Variants in SETD1B observed in about 807,000 individuals in gnomAD.
SETD1B encodes histone-lysine N-methyltransferase SETD1B.
SETD1B carries 7 observed loss-of-function variants against 148.0 expected under a neutral mutation model. The observed-to-expected ratio is 0.05, with a 90% CI of 0.03 to 0.09. SETD1B has a LOEUF of 0.09. SETD1B is among the 10% of genes least tolerant of loss of function. The pLI is 1.00. For synonymous variants in SETD1B, 1,361 were observed against 1,186.5 expected, an observed-to-expected ratio of 1.15 and a Z score of -3.02; for missense variants, 2,155 against 2,729.9, an observed-to-expected ratio of 0.79 and a Z score of 4.69.
At position 121,808,552 on chromosome 12, in the gene SETD1B, TTC is replaced by T. The variant is rs1299164382; in HGVS notation, c.657+234_657+235del. On this transcript the variant is annotated intron_variant, in intron 5 of 16. Coordinates refer to ENST00000604567, the MANE Select transcript of SETD1B (RefSeq NM_001353345.2). This position sits in a 1 kb window ranked among gnomAD's most constrained non-coding sequence, Gnocchi z 5.3. The stretch of plus-strand genomic sequence containing the variant: ...CTGCAGTAGGGCTCCATGGGATTGG[TTC>T]TGTTTCCTGTGGCTTCTCCCCTCCC... Among the ~76,000 whole-genome samples, 2 of 152,220 alleles carry T rather than the reference TTC, an allele frequency of 1.3e-5. No homozygotes were observed. The highest frequency in any genetic ancestry group is 6.5e-5 in the Admixed American group (1 of 15,292).
rs1018695739 is a variant in SETD1B, at chr12:121,822,551, A to T, written c.3972A>T (p.Pro1324=). 6.4e-7 allele frequency: 1 copy of T among 1,550,750 alleles called. No homozygotes were observed. Among genetic ancestry groups the T allele is most frequent in the South Asian group, 1.2e-5 (1 of 83,960 alleles). ...PMMLPLPLQP[P]LPPPRPPRPP... ...TGCTCCCCTTGCCGCTGCAACCACCATTGCCGCCCCCACGACCACCCCGGC... is the reference window on the plus strand; with the variant it reads ...TGCTCCCCTTGCCGCTGCAACCACCTTTGCCGCCCCCACGACCACCCCGGC... Residue 1324 remains proline (P), a synonymous_variant, in exon 12 of 17, where the codon CCA becomes CCT. Transcript: ENST00000604567.
rs1453504391 is a variant in SETD1B at position 121,817,713 on chromosome 12, C to T, written c.3312+9C>T. Reference sequence around the variant, plus strand: ...CATCCACATCAGATAAGGTGCCTAGCAGGCCAGGAAGCCTCAGGGGGCCGG... The same window carrying T: ...CATCCACATCAGATAAGGTGCCTAGTAGGCCAGGAAGCCTCAGGGGGCCGG... On this transcript the variant is annotated intron_variant, in intron 9 of 16. Coordinates refer to ENST00000604567, the MANE Select transcript of SETD1B (RefSeq NM_001353345.2). This position sits in a 1 kb window ranked among gnomAD's most constrained non-coding sequence, Gnocchi z 8.1. 1.3e-5 allele frequency: 20 copies of T among 1,541,526 alleles called. No homozygotes were observed. Among genetic ancestry groups the T allele is most frequent in the Non-Finnish European group, 1.6e-5 (18 of 1,139,684 alleles).
chr12:121,791,927 C>A, the SETD1B span, among the ~76,000 whole-genome samples: 2 of 152,232 alleles, frequency 1.3e-5, no homozygotes, highest in Non-Finnish European at 2.9e-5. Flanking sequence ...GTGTCCCAGA[C>A]CATGACTTTT....
At chr12:121,819,297 C>T (rs546957318) in intron 10 of SETD1B, 107 bp from the exon 11 acceptor site, 88 of 1,508,944 alleles carry the variant, frequency 5.8e-5, no homozygotes, top group South Asian at 3.0e-4. Context: ...ATCTGAGGGC[C>T]GTGTTCAGCC....
chr12:121,799,864 CAG>C (rs796306029), upstream of SETD1B: 9 of 152,238 alleles, frequency 5.9e-5, no homozygotes, highest in African/African-American at 1.9e-4. Context: ...GGAGGACTGT[CAG>C]AGTCAAACTA....
rs370985579 is a variant in SETD1B at position 121,806,128 on chromosome 12, G to A, written c.544+23G>A. 93 of 1,546,540 alleles carry A rather than the reference G, an allele frequency of 6.0e-5. No homozygotes were observed. The African/African-American group carries it at 1.1e-3, about 18-fold the overall frequency. The stretch of plus-strand genomic sequence containing the variant: ...AAGGTGAGCCTGGCAGGGGAGGAGC[G>A]TGGGGAGACCTGTCAGCCCGACCCT... On this transcript the variant is annotated intron_variant, in intron 4 of 16. Coordinates refer to ENST00000604567, the MANE Select transcript of SETD1B (RefSeq NM_001353345.2).
chr12:121,799,453 C>G (rs768237451), upstream of SETD1B: 5 of 152,270 alleles, frequency 3.3e-5, no homozygotes, highest in Non-Finnish European at 7.3e-5. Context: ...ACTGTCACCC[C>G]ACATGCCCCA....
rs188280904 is a variant in SETD1B, at chr12:121,819,572, T to A, written c.3587T>A (p.Val1196Glu). 1.6e-3 allele frequency: 2,423 copies of A among 1,552,484 alleles called. 7 individuals are homozygous for A. The highest frequency in any genetic ancestry group is 2.7e-3 in the Admixed American group (136 of 51,020). Reference protein sequence around the residue: ...EEEEEEEEEMVAEESMASAGP... With the variant: ...EEEEEEEEEMEAEESMASAGP... ...GAAGAAGAGGAGGAGGAGGAGATGG[T>A]GGCCGAGGAAAGCATGGCTTCTGCA... Residue 1196 changes from valine to glutamate, a missense_variant, in exon 11 of 17, where the codon GTG becomes GAG. Physicochemically the swap from Val to Glu is moderately radical, Grantham distance 121. Transcript: ENST00000604567.
Position 121,817,407 on chromosome 12 carries a change from C to T in SETD1B, c.3015C>T (p.Thr1005=). ...AGCGAGACCGGGATATGGCAGACAC[C>T]CCCTGTGAGCTCGCCAAGCGGGACC... ...ERERDRDMAD[T]PCELAKRDPK... is the part of the protein sequence containing the mutation. The change falls in exon 9 of 17, where the codon ACC becomes ACT. Residue 1005 remains threonine, a synonymous_variant. Transcript: ENST00000604567. This position sits in a 1 kb window ranked among gnomAD's most constrained non-coding sequence, Gnocchi z 8.1. 2 of 1,533,906 alleles carry T rather than the reference C, an allele frequency of 1.3e-6. No homozygotes were observed. The highest frequency in any genetic ancestry group is 2.0e-5 in the Admixed American group (1 of 50,256).
At chr12:121,815,029 C>G (rs1185374997) in intron 7 of SETD1B, 99 bp downstream of exon 7, 281 of 1,126,286 alleles carry the variant, frequency 2.5e-4, no homozygotes, top group Non-Finnish European at 2.5e-5. Context: ...ACTGGAAACG[C>G]TGCCGTGGAC....
At position 121,817,625 on chromosome 12, in the gene SETD1B, A is replaced by AGGAGGC; in HGVS notation, c.3239_3244dup (p.Ala1080_Glu1081dup). 6.4e-7 allele frequency: 1 copy of AGGAGGC among 1,551,420 alleles called. No individual in the cohort carries two copies. Among genetic ancestry groups the AGGAGGC allele is most frequent in the Non-Finnish European group, 8.7e-7 (1 of 1,146,918 alleles). On this transcript the variant is annotated inframe_insertion, in exon 9 of 17. Coordinates refer to ENST00000604567, the MANE Select transcript of SETD1B (RefSeq NM_001353345.2). This position sits in a 1 kb window ranked among gnomAD's most constrained non-coding sequence, Gnocchi z 8.1. ...GAACAGGAGAGCACCGAGGAGGAAG[A>AGGAGGC]GGAGGCGGAGGAGGAGGAGGAGGAG...
intron 4 of SETD1B, among the ~76,000 whole-genome samples, chr12:121,807,444 TAAAAA>T (rs33988047): frequency 0.013 from 1,715 of 132,762 alleles, 32 homozygotes; most frequent in African/African-American, 0.047. Context: ...TTCAATTCTG[TAAAAA>T]AAAAAAAAAA....
chr12:121,815,262 A>G (rs566559548), intron 7 of SETD1B, among the ~76,000 whole-genome samples: 2 of 152,326 alleles, frequency 1.3e-5, no homozygotes, highest in Admixed American at 1.3e-4. Context: ...GCCCATCTCT[A>G]AAAATAAATG....
At chr12:121,821,903 T>C (rs997172756) in intron 11 of SETD1B, among the ~76,000 whole-genome samples, 1 of 151,192 alleles carries the variant, frequency 6.6e-6, no homozygotes, top group Non-Finnish European at 1.5e-5. Flanking sequence ...CTAGGCAACA[T>C]AGAGCCCATC....
rs1202383153 is a variant in SETD1B, at chr12:121,823,586, C to T, written c.5007C>T (p.Phe1669=). ...AACTCTCGCCACCCCAGCCCCTCTT[C>T]CGGCCCCGCTCGGAGTTTGAGGAGA... The part of the protein sequence containing the change: ...SPELSPPQPL[F]RPRSEFEEMT... The change falls in exon 12 of 17, where the codon TTC becomes TTT. Residue 1669 remains phenylalanine (F), a synonymous_variant. Transcript: ENST00000604567. 1 of 1,551,506 alleles carries T rather than the reference C, an allele frequency of 6.4e-7. No individual in the cohort carries two copies. Among genetic ancestry groups the T allele is most frequent in the East Asian group, 2.4e-5 (1 of 40,906 alleles).
Position 121,819,567 on chromosome 12 carries a change from G to GGAC in SETD1B, c.3582_3583insGAC (p.Glu1194_Met1195insAsp), listed in dbSNP as rs773244545. The GGAC allele has an allele frequency of 3.2e-6, 5 of 1,552,628 alleles. No individual in the cohort carries two copies. In the South Asian group the frequency reaches 5.9e-5, roughly 18 times the overall value. On this transcript the variant is annotated inframe_insertion, in exon 11 of 17. Coordinates refer to ENST00000604567, the MANE Select transcript of SETD1B (RefSeq NM_001353345.2). The stretch of plus-strand genomic sequence containing the variant: ...AGGAGGAAGAAGAGGAGGAGGAGGA[G>GGAC]ATGGTGGCCGAGGAAAGCATGGCTT...
At position 121,831,931 on chromosome 12, in the gene SETD1B, A is replaced by G. The variant is rs933168407; in HGVS notation, c.*1692A>G. 11 of 149,894 alleles carry G rather than the reference A, an allele frequency of 7.3e-5. No homozygotes were observed. The highest frequency in any genetic ancestry group is 2.2e-4 in the African/African-American group (9 of 40,716). 9.3% of individuals were successfully genotyped at this position (149,894 alleles called of 1,614,324 possible). On this transcript the variant is annotated 3_prime_UTR_variant, in exon 17 of 17. Coordinates refer to ENST00000604567, the MANE Select transcript of SETD1B (RefSeq NM_001353345.2). ...TATTCCTTTCCCCCAGGCCCTCTCT[A>G]TTTGAGACTGTGCCCGCCGGTTTCA...
At chr12:121,824,109 G>A (rs1454592362) in intron 12 of SETD1B, among the ~76,000 whole-genome samples, 2 of 152,180 alleles carry the variant, frequency 1.3e-5, no homozygotes, top group Non-Finnish European at 2.9e-5. Flanking sequence ...GTGAAGATGG[G>A]GGCTATGATT....
At position 121,814,502 on chromosome 12, in the gene SETD1B, G is replaced by T; in HGVS notation, c.2287G>T (p.Val763Leu). 2 of 1,460,154 alleles carry T rather than the reference G, an allele frequency of 1.4e-6. No individual in the cohort carries two copies. Among genetic ancestry groups the T allele is most frequent in the Non-Finnish European group, 1.8e-6 (2 of 1,100,556 alleles). 90.4% of individuals were successfully genotyped at this position (1,460,154 alleles called of 1,614,324 possible). ...TGTGATGCAGGTGGACATGAGCCAC[G>T]TGCTGGGTGGCCAGTGGGGCGGCAT... ...FPVMQVDMSH[V>L]LGGQWGGMPM... The change falls in exon 7 of 17, where the codon GTG becomes TTG. Residue 763 changes from valine to leucine, a missense_variant. Transcript: ENST00000604567.
Sources: allele counts gnomAD v4.1 joint callset (sites outside exome capture counted in the v4.1 genomes callset), GRCh38; gene constraint gnomAD v4.1.1; non-coding constraint Gnocchi (gnomAD v3.1); transcripts MANE v1.5; gene names NCBI Gene and HGNC (gene_info 2026-07-23, HGNC 2026-07-21).